Variants in HIP1 observed in about 807,000 individuals in gnomAD.
The protein encoded by HIP1 is huntingtin-interacting protein 1.
A neutral mutation model predicts 147.6 loss-of-function variants in HIP1; 65 were observed. The ratio of observed to expected loss-of-function variants is 0.44; its 90% CI spans 0.36 to 0.54. HIP1 has a LOEUF of 0.54. Ranked by LOEUF, HIP1 falls within the 20% of genes least tolerant of loss-of-function variation. The pLI, the probability that HIP1 is intolerant of heterozygous loss-of-function variation, is 0.00. For missense variants in HIP1, 1,061 were observed against 1,299.6 expected, an observed-to-expected ratio of 0.82 and a Z score of 2.82; for synonymous variants, 479 against 504.0, an observed-to-expected ratio of 0.95 and a Z score of 0.67.
intron 1 of HIP1, among the ~76,000 whole-genome samples, chr7:75,623,180 A>T (rs587646058): frequency 1.4e-5 from 2 of 144,314 alleles, no homozygotes; most frequent in South Asian, 4.6e-4. Flanking sequence ...CCTGGGCAAC[A>T]GAGCGGGACT....
At chr7:75,650,453 CTTTT>C (rs782108312) in intron 1 of HIP1, among the ~76,000 whole-genome samples, 4 of 126,554 alleles carry the variant, frequency 3.2e-5, no homozygotes, top group Non-Finnish European at 1.6e-5. Context: ...GCCCAGTTAT[CTTTT>C]TTTTTTTTTT....
chr7:75,642,259 TG>T (rs1372472877), intron 1 of HIP1, among the ~76,000 whole-genome samples: 1 of 151,898 alleles, frequency 6.6e-6, no homozygotes, highest in Non-Finnish European at 1.5e-5. Context: ...CCCTTCTGGT[TG>T]GGTACGACGG....
At chr7:75,721,322 C>T (rs1469078127) in intron 1 of HIP1, among the ~76,000 whole-genome samples, 1 of 151,816 alleles carries the variant, frequency 6.6e-6, no homozygotes, top group Non-Finnish European at 1.5e-5. Flanking sequence ...TGCAGTGAGC[C>T]GAGATTGCAC....
intron 15 of HIP1, 85 bp downstream of exon 15, chr7:75,558,082 G>A: frequency 9.3e-7 from 1 of 1,077,578 alleles, no homozygotes; most frequent in East Asian, 2.4e-5. Flanking sequence ...AGGGGTTGCT[G>A]GCCCCGGGGA....
intron 5 of HIP1, among the ~76,000 whole-genome samples, chr7:75,584,994 G>C (rs782016441): frequency 6.6e-6 from 1 of 151,034 alleles, no homozygotes; most frequent in Non-Finnish European, 1.5e-5. Flanking sequence ...GATTACAGGT[G>C]CGTGTCACCA....
intron 1 of HIP1, among the ~76,000 whole-genome samples, chr7:75,652,880 G>C (rs1397044245): frequency 6.6e-6 from 1 of 152,122 alleles, no homozygotes; most frequent in Non-Finnish European, 1.5e-5. Context: ...TTCTCCCCCT[G>C]TGAACAGGGC....
intron 1 of HIP1, among the ~76,000 whole-genome samples, chr7:75,734,286 A>T (rs1342054289): frequency 3.0e-5 from 4 of 135,158 alleles, no homozygotes; most frequent in Non-Finnish European, 4.8e-5. Context: ...ATAAATAAAT[A>T]AATTTTAAAG....
Position 75,537,986 on chromosome 7 carries a change from G to A in HIP1, c.*186C>T. On this transcript the variant is annotated 3_prime_UTR_variant, in exon 31 of 31. Coordinates refer to ENST00000336926, the MANE Select transcript of HIP1 (RefSeq NM_005338.7). ...GGGAAAAGAACAGAGATGACCATGG[G>A]TCCAAACAGAAAGGGTGTCGCTATG... 1.6e-6 allele frequency: 1 copy of A among 642,078 alleles called. No homozygotes were observed. Among genetic ancestry groups the A allele is most frequent in the Admixed American group, 2.6e-5 (1 of 38,970 alleles). 39.8% of individuals were successfully genotyped at this position (642,078 alleles called of 1,614,324 possible). A position where few individuals can be genotyped will look rare whatever the true frequency, so the allele number is the denominator to read the frequency against.
At chr7:75,556,917 CTGTA>C (rs1795027322) in intron 16 of HIP1, 106 bp from the exon 17 acceptor site, 1 of 727,934 alleles carries the variant, frequency 1.4e-6, no homozygotes, top group South Asian at 1.6e-5. Context: ...GTAAACTCTA[CTGTA>C]TGTAAGTTAC....
chr7:75,547,190 G>A (rs963991209), intron 24 of HIP1, among the ~76,000 whole-genome samples, 158 bp from the exon 25 acceptor site: 14 of 152,158 alleles, frequency 9.2e-5, no homozygotes, highest in African/African-American at 3.1e-4. Context: ...GGGAGGCACC[G>A]AAGGAGAGGC....
rs1563204017 is a variant in HIP1 at position 75,561,339 on chromosome 7, A to G, written c.1181T>C (p.Met394Thr). ...AGATCCAAGTTATACCTCAGTCTTC[A>G]TGTTTTCTAGCTGTGCCTTCAATCC... ...ISGLKAQLENMKTESQRVVLQ... is the reference protein window; with the variant it reads ...ISGLKAQLENTKTESQRVVLQ... Residue 394 changes from methionine (M) to threonine (T), a missense_variant, in exon 13 of 31, where the codon ATG becomes ACG. Physicochemically the swap from Met to Thr is moderately conservative, Grantham distance 81 (BLOSUM62 -1). Around this residue, in one of 3 missense-constraint regions of HIP1, gnomAD observed 810 missense variants for 946.8 expected, o/e 0.86. Transcript: ENST00000336926. 1.2e-6 allele frequency: 2 copies of G among 1,610,272 alleles called. No individual in the cohort carries two copies. Among genetic ancestry groups the G allele is most frequent in the Non-Finnish European group, 1.7e-6 (2 of 1,176,454 alleles).
chr7:75,723,318 G>A (rs1801554780), intron 1 of HIP1, among the ~76,000 whole-genome samples: 1 of 152,148 alleles, frequency 6.6e-6, no homozygotes, highest in Admixed American at 6.6e-5. Context: ...GTTGCAGTGA[G>A]CCGAGATCGC....
chr7:75,686,522 A>G (rs1464440289), intron 1 of HIP1, among the ~76,000 whole-genome samples: 1 of 152,206 alleles, frequency 6.6e-6, no homozygotes, highest in Non-Finnish European at 1.5e-5. Context: ...AGACTCTGAG[A>G]CAAGGATGTC....
intron 22 of HIP1, among the ~76,000 whole-genome samples, chr7:75,552,856 C>T (rs1326750994): frequency 2.7e-5 from 4 of 149,182 alleles, no homozygotes; most frequent in African/African-American, 9.8e-5. Flanking sequence ...GAGGTTTTTC[C>T]TTTTTAAATT....
At chr7:75,554,047 A>G in intron 21 of HIP1, 66 bp downstream of exon 21, 7 of 1,263,118 alleles carry the variant, frequency 5.5e-6, no homozygotes, top group Non-Finnish European at 8.0e-6. Flanking sequence ...GCCCGGCCCA[A>G]CAGAGACTTT....
At chr7:75,733,237 G>A (rs565352946) in intron 1 of HIP1, among the ~76,000 whole-genome samples, 2 of 152,068 alleles carry the variant, frequency 1.3e-5, no homozygotes, top group East Asian at 3.9e-4. Context: ...CCACTCACCC[G>A]TGGGATGACC....
intron 1 of HIP1, among the ~76,000 whole-genome samples, chr7:75,622,467 A>T (rs1460821990): frequency 6.6e-6 from 1 of 151,680 alleles, no homozygotes; most frequent in Non-Finnish European, 1.5e-5. Context: ...TTGGGAGTCC[A>T]AGGAAGGAGG....
intron 25 of HIP1, among the ~76,000 whole-genome samples, chr7:75,545,671 C>T (rs1298814421): frequency 2.7e-5 from 4 of 150,416 alleles, no homozygotes; most frequent in African/African-American, 4.9e-5. Flanking sequence ...CCTGGCTAGG[C>T]GCGGTGGTTC....
intron 1 of HIP1, among the ~76,000 whole-genome samples, chr7:75,673,250 T>C (rs28803803): frequency 6.6e-6 from 1 of 152,000 alleles, no homozygotes; most frequent in African/African-American, 2.4e-5. Flanking sequence ...CTTGAACTCC[T>C]GACCTCAAGT....
Sources: gnomAD v4.1 joint callset for allele counts (sites outside exome capture counted in the v4.1 genomes callset) on GRCh38, gnomAD v4.1.1 for gene constraint, gnomAD v4.1.1 regional missense constraint, MANE v1.5 for transcripts, NCBI Gene and HGNC (gene_info 2026-07-23, HGNC 2026-07-21) for gene names.